ITGBL1: variants seen among roughly 807,000 people sequenced by gnomAD.
ITGBL1 encodes the protein integrin beta-like protein 1.
In ITGBL1, 51 loss-of-function variants were observed where a neutral mutation model predicts 68.5. That is an observed-to-expected ratio of 0.74 (90% CI 0.59 to 0.94). The LOEUF (loss-of-function observed/expected upper bound fraction) is 0.94, where lower values mean the gene tolerates loss of function less well. Among genes scored for constraint, ITGBL1 ranks in the 40% least tolerant of loss-of-function variants. The probability of loss-of-function intolerance (pLI) is 0.00; values close to 1 mark genes in which losing one functional copy is unlikely to be tolerated. For synonymous variants in ITGBL1, 209 were observed against 227.3 expected (o/e 0.92, Z 0.72); for missense variants, 649 against 647.4 (o/e 1.00, Z -0.03).
intron 7 of ITGBL1, among the ~76,000 whole-genome samples, chr13:101,625,709 T>A (rs2031748190): frequency 6.6e-6 from 1 of 152,188 alleles, no homozygotes; most frequent in South Asian, 2.1e-4. Context: ...CCTGCCATCA[T>A]GCCCAGCTAA....
At chr13:101,698,338 G>C (rs1004341356) in intron 8 of ITGBL1, among the ~76,000 whole-genome samples, 1 of 152,184 alleles carries the variant, frequency 6.6e-6, no homozygotes, top group African/African-American at 2.4e-5. Flanking sequence ...AGCCAATAGT[G>C]TTTATCCCCT....
chr13:101,582,867 T>G lies in ITGBL1; in HGVS notation c.728-349T>G, dbSNP rs565559307. Among the ~76,000 whole-genome samples the G allele has an allele frequency of 9.2e-5, 14 of 152,298 alleles. No individual in the cohort carries two copies. In the South Asian group the frequency reaches 2.7e-3, roughly 29 times the overall value. On this transcript the variant is annotated intron_variant, in intron 5 of 10. Coordinates refer to ENST00000376180, the MANE Select transcript of ITGBL1 (RefSeq NM_004791.3). The stretch of plus-strand genomic sequence containing the variant: ...GCACATTGTTTTTAGTGTTTGTTAA[T>G]TTTTCTTTCTAATTAGCTTTCTATT...
intron 7 of ITGBL1, among the ~76,000 whole-genome samples, chr13:101,677,170 C>T (rs1230321901): frequency 2.0e-5 from 3 of 152,020 alleles, no homozygotes; most frequent in Admixed American, 6.6e-5. Context: ...ATAGAGAAAC[C>T]ATAAGTTATC....
At chr13:101,481,026 G>A (rs80255021) in intron 2 of ITGBL1, among the ~76,000 whole-genome samples, 1 of 138,340 alleles carries the variant, frequency 7.2e-6, no homozygotes, top group East Asian at 2.6e-4. Context: ...GTGTGTGTGT[G>A]TGTGTGTGTG....
intron 6 of ITGBL1, among the ~76,000 whole-genome samples, chr13:101,596,845 T>C (rs1048912450): frequency 6.6e-6 from 1 of 152,072 alleles, no homozygotes; most frequent in African/African-American, 2.4e-5. Context: ...TGACTCCAAC[T>C]ATATAACATT....
chr13:101,602,747 C>G (rs1185603135), intron 7 of ITGBL1, among the ~76,000 whole-genome samples: 2 of 151,990 alleles, frequency 1.3e-5, no homozygotes, highest in Non-Finnish European at 2.9e-5. Context: ...GTCCCAGAAC[C>G]CCTGGAAACC....
intron 7 of ITGBL1, among the ~76,000 whole-genome samples, chr13:101,663,938 T>TTC (rs983957933): frequency 6.6e-6 from 1 of 151,978 alleles, no homozygotes; most frequent in East Asian, 1.9e-4. Flanking sequence ...TTTTAAAATG[T>TTC]TCTCTCTCTC....
rs567083726 is a variant in ITGBL1, at chr13:101,453,940, C to G, written c.156C>G (p.Arg52=). The G allele has an allele frequency of 7.0e-7, 1 of 1,418,796 alleles. No homozygotes were observed. The highest frequency in any genetic ancestry group is 9.3e-7 in the Non-Finnish European group (1 of 1,079,612). 87.9% of individuals were successfully genotyped at this position (1,418,796 alleles called of 1,614,324 possible). ...GGGCCGAGTCGGAGCGACGCTGCCG[C>G]GCACCTGGGCAGCCCCCGGGGGCCG... The part of the protein sequence containing the change: ...LSRAESERRC[R]APGQPPGAAL... Residue 52 remains arginine, a synonymous_variant, in exon 2 of 11, where the codon CGC becomes CGG. Transcript: ENST00000376180.
intron 7 of ITGBL1, among the ~76,000 whole-genome samples, chr13:101,681,600 T>G (rs2139528286): frequency 1.3e-5 from 2 of 152,270 alleles, no homozygotes; most frequent in South Asian, 4.1e-4. Flanking sequence ...AGAAACTTAG[T>G]CCCTGCTGGT....
chr13:101,501,108 G>C (rs1191986537), intron 2 of ITGBL1, among the ~76,000 whole-genome samples: 1 of 152,172 alleles, frequency 6.6e-6, no homozygotes. Context: ...TAGTTTGATG[G>C]GTGGTTCACC....
At chr13:101,628,277 C>T (rs1237170706) in intron 7 of ITGBL1, among the ~76,000 whole-genome samples, 1 of 152,036 alleles carries the variant, frequency 6.6e-6, no homozygotes, top group Non-Finnish European at 1.5e-5. Context: ...ATCTTTGGGC[C>T]ATTTTTAAAT....
At chr13:101,619,704 C>G (rs1202150311) in intron 7 of ITGBL1, among the ~76,000 whole-genome samples, 2 of 152,128 alleles carry the variant, frequency 1.3e-5, no homozygotes, top group Admixed American at 6.6e-5. Flanking sequence ...GCATAGTCAA[C>G]AGAATATACA....
chr13:101,610,078 C>A (rs1286251642), intron 7 of ITGBL1, among the ~76,000 whole-genome samples: 1 of 151,972 alleles, frequency 6.6e-6, no homozygotes, highest in Admixed American at 6.6e-5. Flanking sequence ...TTTCTCCAGG[C>A]AAGCTTAAAA....
intron 8 of ITGBL1, among the ~76,000 whole-genome samples, chr13:101,703,227 C>T (rs766396707): frequency 6.6e-6 from 1 of 151,682 alleles, no homozygotes; most frequent in African/African-American, 2.4e-5. Flanking sequence ...CAATGAGTCT[C>T]ACTTAGGGAT....
chr13:101,605,083 C>T (rs1193295282), intron 7 of ITGBL1, among the ~76,000 whole-genome samples: 3 of 141,086 alleles, frequency 2.1e-5, no homozygotes, highest in East Asian at 2.1e-4. Flanking sequence ...TACATATATG[C>T]GTATATGTGT....
intron 2 of ITGBL1, among the ~76,000 whole-genome samples, chr13:101,497,014 C>A (rs1218900170): frequency 1.3e-5 from 2 of 152,128 alleles, no homozygotes; most frequent in African/African-American, 4.8e-5. Flanking sequence ...GAGCCTGGGA[C>A]AAGCATGGCA....
intron 4 of ITGBL1, 63 bp from the exon 5 acceptor site, chr13:101,579,224 A>C: frequency 3.2e-6 from 5 of 1,564,226 alleles, no homozygotes; most frequent in Non-Finnish European, 4.4e-6. Context: ...AAGAGATAGA[A>C]AGTTAATTCT....
At chr13:101,580,229 C>T (rs1221494318) in intron 5 of ITGBL1, among the ~76,000 whole-genome samples, 1 of 151,980 alleles carries the variant, frequency 6.6e-6, no homozygotes, top group Non-Finnish European at 1.5e-5. Context: ...CATTTCTATA[C>T]ATGAATAATG....
intron 2 of ITGBL1, among the ~76,000 whole-genome samples, chr13:101,501,905 T>A (rs926238051): frequency 1.3e-5 from 2 of 152,200 alleles, no homozygotes; most frequent in Non-Finnish European, 2.9e-5. Flanking sequence ...TGGGAATCCT[T>A]TATCACAAAG....
Sources: gnomAD v4.1 joint callset for allele counts (sites outside exome capture counted in the v4.1 genomes callset) on GRCh38, gnomAD v4.1.1 for gene constraint, MANE v1.5 for transcripts, NCBI Gene and HGNC (gene_info 2026-07-23, HGNC 2026-07-21) for gene names.